IQSEC1: variants seen among roughly 807,000 people sequenced by gnomAD.
IQSEC1 encodes the protein IQ motif and Sec7 domain ArfGEF 1, also known as IQ motif and SEC7 domain-containing protein 1.
IQSEC1 carries 31 observed loss-of-function variants against 91.0 expected under a neutral mutation model. The observed-to-expected ratio is 0.34, with a 90% confidence interval of 0.26 to 0.46. The LOEUF is 0.46. Among genes scored for constraint, IQSEC1 ranks in the 20% least tolerant of loss-of-function variants. The pLI is 1.00. For synonymous variants in IQSEC1, 699 were observed against 662.6 expected (o/e 1.05, Z -0.84); for missense variants, 1,388 against 1,575.6 (o/e 0.88, Z 2.02).
chr3:13,257,513 G>A (rs1695312094), intron 1 of IQSEC1, among the ~76,000 whole-genome samples: 1 of 152,104 alleles, frequency 6.6e-6, no homozygotes, highest in Non-Finnish European at 1.5e-5. Flanking sequence ...TCATTGCACT[G>A]CCCCAGCCCT....
At chr3:13,185,861 G>T (rs1216380422) in intron 1 of IQSEC1, among the ~76,000 whole-genome samples, 1 of 152,216 alleles carries the variant, frequency 6.6e-6, no homozygotes, top group East Asian at 1.9e-4. Flanking sequence ...CCACTGGCTG[G>T]CCCACTTTTC....
At chr3:13,146,987 C>G (rs990104455) in intron 2 of IQSEC1, among the ~76,000 whole-genome samples, 1 of 152,152 alleles carries the variant, frequency 6.6e-6, no homozygotes, top group African/African-American at 2.4e-5. Context: ...CTCTGGGCCT[C>G]AAAGCTCCAG....
At chr3:13,242,367 CT>C (rs1240678850) in intron 1 of IQSEC1, among the ~76,000 whole-genome samples, 1 of 152,212 alleles carries the variant, frequency 6.6e-6, no homozygotes, top group African/African-American at 2.4e-5. Context: ...TTCCCAAGTG[CT>C]TCTGGCTCTG....
chr3:13,001,744 T>C (rs765462934), intron 1 of IQSEC1, among the ~76,000 whole-genome samples: 4 of 152,224 alleles, frequency 2.6e-5, no homozygotes, highest in East Asian at 1.9e-4. Flanking sequence ...AGACAATTCA[T>C]TGGAAACAAT....
At chr3:13,225,916 G>A (rs2125081734) in intron 1 of IQSEC1, among the ~76,000 whole-genome samples, 1 of 151,632 alleles carries the variant, frequency 6.6e-6, no homozygotes, top group South Asian at 2.1e-4. Context: ...GTCCCACTCT[G>A]TCTCCCAGGC....
At chr3:13,009,473 GC>G (rs1702780104) in intron 1 of IQSEC1, among the ~76,000 whole-genome samples, 1 of 151,912 alleles carries the variant, frequency 6.6e-6, no homozygotes, top group South Asian at 2.1e-4. Context: ...CTCCGCCCTG[GC>G]CCTGAGCCAG....
At chr3:13,152,964 T>C (rs191770719) in intron 2 of IQSEC1, among the ~76,000 whole-genome samples, 40 of 152,314 alleles carry the variant, frequency 2.6e-4, no homozygotes, top group African/African-American at 9.1e-4. Flanking sequence ...AAGCAAGTCC[T>C]GTAGGGGCAC....
chr3:13,201,583 A>C (rs1274785006), intron 1 of IQSEC1, among the ~76,000 whole-genome samples: 4 of 152,080 alleles, frequency 2.6e-5, no homozygotes, highest in Non-Finnish European at 5.9e-5. Context: ...GCCTCAAGCA[A>C]TCCTCCTGCC....
upstream of IQSEC1, among the ~76,000 whole-genome samples, chr3:13,074,345 T>C (rs1705527874): frequency 1.0e-4 from 1 of 10,032 alleles, no homozygotes; most frequent in Non-Finnish European, 1.5e-4. Flanking sequence ...GAGGCCAGCG[T>C]GGTGCAGTGT....
chr3:13,194,508 A>G (rs2125039638), intron 1 of IQSEC1, among the ~76,000 whole-genome samples: 1 of 152,250 alleles, frequency 6.6e-6, no homozygotes, highest in South Asian at 2.1e-4. Context: ...CTTCCCTCGC[A>G]GGGCCAGCTG....
At chr3:13,213,325 C>T (rs1694480058) in intron 1 of IQSEC1, among the ~76,000 whole-genome samples, 1 of 152,196 alleles carries the variant, frequency 6.6e-6, no homozygotes, top group African/African-American at 2.4e-5. Context: ...CATCTTGGCC[C>T]CCTGTGTATG....
At chr3:13,204,980 T>G (rs1038151743) in intron 1 of IQSEC1, among the ~76,000 whole-genome samples, 1 of 151,868 alleles carries the variant, frequency 6.6e-6, no homozygotes, top group African/African-American at 2.4e-5. Context: ...GTATTTTTAG[T>G]AGAAAAGAGG....
At chr3:12,995,724 G>C (rs1702201245) in intron 1 of IQSEC1, among the ~76,000 whole-genome samples, 1 of 152,230 alleles carries the variant, frequency 6.6e-6, no homozygotes, top group Admixed American at 6.5e-5. Context: ...CCCAGCTCCT[G>C]GTGGGTCTTC....
intron 1 of IQSEC1, chr3:12,986,825 C>T (rs1701760820): frequency 4.0e-6 from 1 of 248,940 alleles, no homozygotes; most frequent in South Asian, 3.1e-5. Context: ...GGGACCGAGA[C>T]CCGGCAGGGG....
chr3:13,020,391 C>T (rs958478013), intron 1 of IQSEC1, among the ~76,000 whole-genome samples: 6 of 152,216 alleles, frequency 3.9e-5, no homozygotes, highest in African/African-American at 1.4e-4. Flanking sequence ...CTCCCTCAAA[C>T]CTGCCCAGGC....
rs147249653 is a variant in IQSEC1 at position 12,955,068 on chromosome 3, C to T, written c.24-13203G>A. Among the ~76,000 whole-genome samples the T allele has an allele frequency of 6.8e-4, 104 of 152,336 alleles. 1 individual carries two copies. In the East Asian group the frequency reaches 0.011, roughly 16 times the overall value. ...TGCGCAGCCCAGCCTGGCAGAGCCC[C>T]GTGACTCTGGAGCTGTGTCCACAGC... On this transcript the variant is annotated intron_variant, in intron 1 of 13. Coordinates refer to ENST00000613206, the MANE Select transcript of IQSEC1 (RefSeq NM_001134382.3).
At chr3:12,961,149 G>A (rs1359804528) in intron 1 of IQSEC1, among the ~76,000 whole-genome samples, 1 of 152,218 alleles carries the variant, frequency 6.6e-6, no homozygotes, top group Non-Finnish European at 1.5e-5. Context: ...GCCTTATTAG[G>A]CTCCAGAAGC....
intron 1 of IQSEC1, among the ~76,000 whole-genome samples, chr3:13,248,657 G>A (rs1343000725): frequency 2.0e-5 from 3 of 152,250 alleles, no homozygotes; most frequent in Non-Finnish European, 4.4e-5. Flanking sequence ...CAGGTCATGT[G>A]AAGGTTAAAT....
chr3:13,030,001 G>C (rs114222250), intron 1 of IQSEC1, among the ~76,000 whole-genome samples: 1 of 151,990 alleles, frequency 6.6e-6, no homozygotes, highest in Non-Finnish European at 1.5e-5. Context: ...ATGAGGTCTC[G>C]CTACATTAAC....
Sources: gnomAD v4.1 joint callset for allele counts (sites outside exome capture counted in the v4.1 genomes callset) on GRCh38, gnomAD v4.1.1 for gene constraint, MANE v1.5 for transcripts, NCBI Gene and HGNC (gene_info 2026-07-23, HGNC 2026-07-21) for gene names.